GPC5: variants seen among roughly 807,000 people sequenced by gnomAD.
The protein encoded by GPC5 is glypican 5, also known as glypican-5.
GPC5 carries 47 observed loss-of-function variants against 53.9 expected under a neutral mutation model. That is an observed-to-expected ratio of 0.87 (90% CI 0.69 to 1.11). The LOEUF is 1.11. GPC5 is among the 50% of genes most tolerant of loss of function. The probability of loss-of-function intolerance (pLI) is 0.00; values close to 1 mark genes in which losing one functional copy is unlikely to be tolerated. For missense variants in GPC5, 748 were observed against 713.1 expected, an observed-to-expected ratio of 1.05 and a Z score of -0.56; for synonymous variants, 286 against 263.3, an observed-to-expected ratio of 1.09 and a Z score of -0.84.
At chr13:91,978,329 T>C (rs932988920) in intron 6 of GPC5, among the ~76,000 whole-genome samples, 1 of 152,240 alleles carries the variant, frequency 6.6e-6, no homozygotes, top group Non-Finnish European at 1.5e-5. Flanking sequence ...TATTTACTCA[T>C]TGTAGCAATA....
chr13:91,508,234 A>C (rs1392895057), intron 2 of GPC5, among the ~76,000 whole-genome samples: 2 of 152,220 alleles, frequency 1.3e-5, no homozygotes, highest in African/African-American at 4.8e-5. Context: ...CGTAGTATGA[A>C]TTAGATGTGA....
chr13:92,789,050 C>T (rs1037165399), intron 7 of GPC5, among the ~76,000 whole-genome samples: 13 of 152,120 alleles, frequency 8.5e-5, no homozygotes, highest in Non-Finnish European at 1.0e-4. Context: ...TTTCCCACAG[C>T]GTATTTGCTC....
At chr13:92,181,976 T>G (rs1374186351) in intron 7 of GPC5, among the ~76,000 whole-genome samples, 1 of 152,214 alleles carries the variant, frequency 6.6e-6, no homozygotes, top group Admixed American at 6.5e-5. Flanking sequence ...AAAAAAGATG[T>G]CAGGGTAAGT....
At position 91,607,026 on chromosome 13, in the gene GPC5, T is replaced by C. The variant is rs1159701737; in HGVS notation, c.326-86161T>C. On this transcript the variant is annotated intron_variant, in intron 2 of 7. Transcript: ENST00000377067. ...TTGAATGTGTTTGCTCTTGCTTTTC[T>C]AGTTCTTTTAATTGTGATGTTAGGG... Among the ~76,000 whole-genome samples, 6 of 152,206 alleles carry C rather than the reference T, an allele frequency of 3.9e-5. 1 individual carries two copies. Among genetic ancestry groups the C allele is most frequent in the African/African-American group, 1.4e-4 (6 of 41,536 alleles).
chr13:92,805,170 T>C (rs1877047360), intron 7 of GPC5, among the ~76,000 whole-genome samples: 2 of 152,082 alleles, frequency 1.3e-5, no homozygotes, highest in Admixed American at 6.6e-5. Context: ...ACGTTATTAA[T>C]AGCATTTAGA....
intron 4 of GPC5, among the ~76,000 whole-genome samples, chr13:91,752,349 T>G (rs1373083629): frequency 6.6e-6 from 1 of 152,142 alleles, no homozygotes; most frequent in African/African-American, 2.4e-5. Context: ...CCTCTCAAAG[T>G]GCTGGGATTA....
intron 7 of GPC5, chr13:92,509,648 T>C (rs996324703): frequency 6.6e-6 from 1 of 152,176 alleles, no homozygotes; most frequent in Non-Finnish European, 1.5e-5. Flanking sequence ...GTTAACAGTA[T>C]GGTGATACGG....
chr13:92,606,823 G>T (rs983396578), intron 7 of GPC5, among the ~76,000 whole-genome samples: 3 of 151,974 alleles, frequency 2.0e-5, no homozygotes, highest in African/African-American at 7.3e-5. Flanking sequence ...TATGACTGCC[G>T]TCTTGACCAT....
intron 7 of GPC5, among the ~76,000 whole-genome samples, chr13:92,263,380 A>G (rs922456673): frequency 7.9e-5 from 12 of 151,808 alleles, no homozygotes; most frequent in Non-Finnish European, 1.5e-4. Flanking sequence ...CTTCCCACTC[A>G]GCTGGGAAAG....
chr13:92,604,861 C>T (rs1399921958), intron 7 of GPC5, among the ~76,000 whole-genome samples: 2 of 152,152 alleles, frequency 1.3e-5, no homozygotes, highest in Non-Finnish European at 1.5e-5. Flanking sequence ...TGTGTTTTCT[C>T]ATTAATATAC....
intron 7 of GPC5, among the ~76,000 whole-genome samples, chr13:92,465,413 G>C (rs1411446796): frequency 6.6e-6 from 1 of 152,018 alleles, no homozygotes; most frequent in African/African-American, 2.4e-5. Flanking sequence ...TTTAACATTA[G>C]TTTTTGAGCT....
At chr13:91,795,113 G>A (rs1197057000) in intron 5 of GPC5, among the ~76,000 whole-genome samples, 2 of 152,118 alleles carry the variant, frequency 1.3e-5, no homozygotes, top group Admixed American at 1.3e-4. Flanking sequence ...ATTTATAATA[G>A]TTCTGCCACT....
intron 2 of GPC5, among the ~76,000 whole-genome samples, chr13:91,688,233 G>C (rs2035664567): frequency 6.6e-6 from 1 of 151,922 alleles, no homozygotes; most frequent in South Asian, 2.1e-4. Context: ...ATTATTCAAT[G>C]GCTTGGCTCC....
At chr13:91,596,701 G>C (rs2139196052) in intron 2 of GPC5, among the ~76,000 whole-genome samples, 1 of 152,072 alleles carries the variant, frequency 6.6e-6, no homozygotes, top group East Asian at 1.9e-4. Context: ...TTAGTATAAG[G>C]TTAATTTTTC....
intron 7 of GPC5, among the ~76,000 whole-genome samples, chr13:92,742,047 G>A (rs565305377): frequency 0.014 from 2,068 of 148,146 alleles, 18 homozygotes; most frequent in Non-Finnish European, 0.023. Flanking sequence ...ATAAACATAC[G>A]TGTGCATGTG....
intron 7 of GPC5, among the ~76,000 whole-genome samples, chr13:92,523,062 C>G (rs1881131628): frequency 1.3e-5 from 2 of 152,092 alleles, no homozygotes; most frequent in East Asian, 1.9e-4. Flanking sequence ...GCAGAAAATG[C>G]GGAAAAGTGA....
intron 6 of GPC5, among the ~76,000 whole-genome samples, chr13:92,096,833 G>A (rs574675814): frequency 6.6e-6 from 1 of 152,266 alleles, no homozygotes; most frequent in African/African-American, 2.4e-5. Context: ...GAAAGTAAGG[G>A]TCTGTTGTAA....
Position 92,011,293 on chromosome 13 carries a change from G to A in GPC5, c.1401+103236G>A, listed in dbSNP as rs573121775. On this transcript the variant is annotated intron_variant, in intron 6 of 7. Transcript: ENST00000377067. ...TCCATAAGTATAAATATATACTAGT[G>A]TGTGATCATCATTTGTAGCTGTTAA... Among the ~76,000 whole-genome samples the A allele has an allele frequency of 3.9e-5, 6 of 152,212 alleles. No homozygotes were observed. In the South Asian group the frequency reaches 1.2e-3, roughly 32 times the overall value.
At chr13:91,401,609 G>C (rs1485811062) in intron 1 of GPC5, among the ~76,000 whole-genome samples, 1 of 152,054 alleles carries the variant, frequency 6.6e-6, no homozygotes, top group African/African-American at 2.4e-5. Flanking sequence ...CTGCTTTCTT[G>C]CATTTCTTGT....
Sources: allele counts gnomAD v4.1 joint callset (sites outside exome capture counted in the v4.1 genomes callset), GRCh38; gene constraint gnomAD v4.1.1; transcripts MANE v1.5; gene names NCBI Gene and HGNC (gene_info 2026-07-23, HGNC 2026-07-21).